The following LYST variants were observed in gnomAD, a reference collection of about 807,000 sequenced individuals.
The protein encoded by LYST is lysosomal trafficking regulator, also known as lysosomal-trafficking regulator.
LYST carries 192 observed loss-of-function variants against 413.6 expected under a neutral mutation model. That is an observed-to-expected ratio of 0.46 (90% CI 0.41 to 0.52). The LOEUF (loss-of-function observed/expected upper bound fraction) is 0.52, where lower values mean the gene tolerates loss of function less well. Among genes scored for constraint, LYST ranks in the 20% least tolerant of loss-of-function variants. The probability of loss-of-function intolerance (pLI) is 0.00; values close to 1 mark genes in which losing one functional copy is unlikely to be tolerated. For synonymous variants in LYST, 1,525 were observed against 1,567.3 expected, an observed-to-expected ratio of 0.97 and a Z score of 0.64; for missense variants, 3,815 against 4,499.9, an observed-to-expected ratio of 0.85 and a Z score of 4.35.
At chr1:235,774,887 TAAG>T in intron 18 of LYST, 23 bp downstream of exon 18, 1 of 1,509,756 alleles carries the variant, frequency 6.6e-7, no homozygotes, top group East Asian at 2.3e-5. Context: ...TATGAAACTA[TAAG>T]AATAAATTTT....
At chr1:235,678,162 TA>T (rs570517956) in intron 48 of LYST, among the ~76,000 whole-genome samples, 6 of 149,940 alleles carry the variant, frequency 4.0e-5, no homozygotes, top group Non-Finnish European at 5.9e-5. Flanking sequence ...AATACTTCTG[TA>T]AAAAAAAAAT....
At position 235,738,273 on chromosome 1, in the gene LYST, G is replaced by T. The variant is rs1275425917; in HGVS notation, c.8358+3149C>A. ...TACTGTAACTGTAAACTCCAAGCTGGTCACTATCACGGCTGAGGCACATCG... is the reference window on the plus strand; with the variant it reads ...TACTGTAACTGTAAACTCCAAGCTGTTCACTATCACGGCTGAGGCACATCG... On this transcript the variant is annotated intron_variant, in intron 31 of 52. Transcript: ENST00000389793. 3 of 1,611,340 alleles carry T rather than the reference G, an allele frequency of 1.9e-6. No homozygotes were observed. The African/African-American group carries it at 4.0e-5, about 22-fold the overall frequency.
chr1:235,751,181 G>T, intron 28 of LYST, 29 bp downstream of exon 28: 1 of 1,603,432 alleles, frequency 6.2e-7, no homozygotes, highest in South Asian at 1.1e-5. Flanking sequence ...CTCAATTTAT[G>T]GTTATTAAAA....
intron 1 of LYST, among the ~76,000 whole-genome samples, chr1:235,850,880 T>C (rs1055170279): frequency 2.6e-5 from 4 of 152,134 alleles, no homozygotes; most frequent in Admixed American, 6.6e-5. Flanking sequence ...AAACAGTAGA[T>C]GTTGGCATGG....
intron 15 of LYST, 115 bp downstream of exon 15, chr1:235,781,812 T>C (rs917751491): frequency 1.4e-6 from 1 of 719,494 alleles, no homozygotes; most frequent in Non-Finnish European, 2.5e-6. Context: ...GCCAGGTTAA[T>C]TTACTTAGTT....
At chr1:235,747,323 G>C (rs886482556) in intron 28 of LYST, 2 of 414,734 alleles carry the variant, frequency 4.8e-6, no homozygotes, top group Non-Finnish European at 9.8e-6. Flanking sequence ...CCCTTCATTG[G>C]AATTGAACCT....
rs147653704 is a variant in LYST at position 235,784,132 on chromosome 1, G to A, written c.4863-2045C>T. ...CGTGCTCAAGCAATCCTTCTGCCTC[G>A]GCCTATCAAAGTGCTGGGATTACAG... On this transcript the variant is annotated intron_variant, in intron 14 of 52. Transcript: ENST00000389793. Among the ~76,000 whole-genome samples the A allele has an allele frequency of 2.7e-3, 412 of 152,094 alleles. 1 individual carries two copies. The highest frequency in any genetic ancestry group is 9.3e-3 in the African/African-American group (385 of 41,492).
chr1:235,813,388 A>G (rs868337051), intron 3 of LYST, among the ~76,000 whole-genome samples: 5 of 152,216 alleles, frequency 3.3e-5, no homozygotes, highest in Admixed American at 2.0e-4. Context: ...TGAAAATGAA[A>G]AGTTAAGCCC....
intron 8 of LYST, among the ~76,000 whole-genome samples, chr1:235,802,125 T>C (rs1672297086): frequency 7.6e-6 from 1 of 131,976 alleles, no homozygotes; most frequent in African/African-American, 3.0e-5. Context: ...ACCTGGGAGA[T>C]GGAGGTTGCA....
intron 16 of LYST, among the ~76,000 whole-genome samples, chr1:235,778,321 T>A (rs1669517996): frequency 6.6e-6 from 1 of 151,686 alleles, no homozygotes; most frequent in Non-Finnish European, 1.5e-5. Context: ...AGATTCAGTG[T>A]CTTCTCTCAG....
chr1:235,829,918 ATATAAGAT>A (rs1675759888), intron 3 of LYST: 1 of 217,142 alleles, frequency 4.6e-6, no homozygotes, highest in African/African-American at 2.3e-5. Flanking sequence ...AGATACAGGG[ATATAAGAT>A]TATGTCTTAT....
Position 235,753,211 on chromosome 1 carries a change from C to T in LYST, c.7293G>A (p.Leu2431=), listed in dbSNP as rs1461142836. 2 of 1,611,002 alleles carry T rather than the reference C, an allele frequency of 1.2e-6. No individual in the cohort carries two copies. The highest frequency in any genetic ancestry group is 2.7e-5 in the African/African-American group (2 of 74,814). Residue 2431 remains leucine (L), a synonymous_variant, in exon 26 of 53, where the codon CTG becomes CTA. Transcript: ENST00000389793. ...CATATAGAGAGGTCTCTATTAGTCC[C>T]AGAATAGGAATGACAGACCACTTCT... ...LFQKWSVIPI[L]GLIETSLYDN...
rs1663629558 is a variant in LYST at position 235,724,064 on chromosome 1, A to G, written c.9279T>C (p.Asn3093=). The G allele has an allele frequency of 6.2e-7, 1 of 1,613,952 alleles. No individual in the cohort carries two copies. The change falls in exon 39 of 53, where the codon AAT becomes AAC. Residue 3093 remains asparagine (N), a synonymous_variant. Coordinates refer to ENST00000389793, the MANE Select transcript of LYST (RefSeq NM_000081.4). ...CAAATGCCAACAGGAGTGTTCTGCC[A>G]TTTGTTAGAAAGATTTCTACAGCAT... is the stretch of plus-strand genomic sequence containing the variant. ...RDNAVEIFLT[N]GRTLLLAFDN...
chr1:235,723,634 T>C (rs528965934), intron 39 of LYST, among the ~76,000 whole-genome samples: 22 of 152,330 alleles, frequency 1.4e-4, no homozygotes, highest in Admixed American at 2.6e-4. Flanking sequence ...CCGATGACCC[T>C]GACGAGAGTG....
intron 41 of LYST, among the ~76,000 whole-genome samples, chr1:235,715,696 G>T (rs1185829353): frequency 6.6e-6 from 1 of 152,136 alleles, no homozygotes; most frequent in Admixed American, 6.5e-5. Context: ...AATGAGAGGT[G>T]CTTCTGTCAC....
intron 1 of LYST, among the ~76,000 whole-genome samples, chr1:235,860,034 C>A (rs1420054395): frequency 6.6e-6 from 1 of 152,090 alleles, no homozygotes; most frequent in Non-Finnish European, 1.5e-5. Context: ...ACTTGGCAAG[C>A]TGGTCTATAG....
intron 3 of LYST, among the ~76,000 whole-genome samples, chr1:235,826,440 GAA>G (rs1269957812): frequency 1.4e-4 from 21 of 152,284 alleles, no homozygotes; most frequent in African/African-American, 5.1e-4. Context: ...ATACTAATCA[GAA>G]ATTAAAAAGT....
rs748026529 is a variant in LYST, at chr1:235,716,726, C to T, written c.9613G>A (p.Val3205Met). ...VQYKEKEDRY[V>M]DTYKYLEEEY... is the part of the protein sequence containing the mutation. ...ACAAAAGCTACCTTGTATGTGTCCA[C>T]ATAACGATCTTCTTTTTCTTTATAC... Residue 3205 changes from valine (V) to methionine (M), a missense_variant, in exon 41 of 53, where the codon GTG (valine) becomes ATG (methionine). Val to Met is a conservative substitution (Grantham distance 21, BLOSUM62 1). Transcript: ENST00000389793. 1 of 1,593,822 alleles carries T rather than the reference C, an allele frequency of 6.3e-7. No homozygotes were observed. The highest frequency in any genetic ancestry group is 1.1e-5 in the South Asian group (1 of 90,242).
chr1:235,807,611 C>T (rs921498252), intron 5 of LYST, among the ~76,000 whole-genome samples: 5 of 152,064 alleles, frequency 3.3e-5, no homozygotes, highest in Non-Finnish European at 5.9e-5. Flanking sequence ...ATGCCACACA[C>T]GAAGATATTG....
Sources: gnomAD v4.1 joint callset for allele counts (sites outside exome capture counted in the v4.1 genomes callset) on GRCh38, gnomAD v4.1.1 for gene constraint, MANE v1.5 for transcripts, NCBI Gene and HGNC (gene_info 2026-07-23, HGNC 2026-07-21) for gene names.